PLEKHG4B: variants seen among roughly 807,000 people sequenced by gnomAD.
The protein encoded by PLEKHG4B is pleckstrin homology domain-containing family G member 4B.
Under a neutral mutation model 121.3 loss-of-function variants are expected in PLEKHG4B, and 111 were observed. The observed-to-expected ratio is 0.92, with a 90% CI of 0.78 to 1.07. The LOEUF (loss-of-function observed/expected upper bound fraction) is 1.07. Among genes scored for constraint, PLEKHG4B ranks in the 50% least tolerant of loss-of-function variants. The pLI, the probability that PLEKHG4B is intolerant of heterozygous loss-of-function variation, is 0.00. For missense variants in PLEKHG4B, 1,831 were observed against 1,757.8 expected (o/e 1.04, Z -0.74); for synonymous variants, 738 against 725.0 (o/e 1.02, Z -0.29).
chr5:106,746 A>G (rs1303352797), intron 1 of PLEKHG4B, among the ~76,000 whole-genome samples: 1 of 152,224 alleles, frequency 6.6e-6, no homozygotes, highest in Non-Finnish European at 1.5e-5. Context: ...GTGGCTGCAC[A>G]GGCAGGGACA....
At chr5:179,538 G>C (rs1351860806) in intron 18 of PLEKHG4B, 1 of 152,638 alleles carries the variant, frequency 6.6e-6, no homozygotes, top group Non-Finnish European at 1.5e-5. Flanking sequence ...TGATGCTTCT[G>C]TCCCATCCAC....
At position 103,328 on chromosome 5, in the gene PLEKHG4B, T is replaced by C. The variant is rs184411614; in HGVS notation, c.46-9923T>C. Among the ~76,000 whole-genome samples the C allele has an allele frequency of 7.9e-5, 12 of 152,246 alleles. No homozygotes were observed. The South Asian group carries it at 2.3e-3, about 29-fold the overall frequency. ...CCTGGGCTGACACAGTTTTCAGGGCTCATTTTATTTTTTCTGCTTGGATTC... is the reference window on the plus strand; with the variant it reads ...CCTGGGCTGACACAGTTTTCAGGGCCCATTTTATTTTTTCTGCTTGGATTC... On this transcript the variant is annotated intron_variant, in intron 1 of 19. Coordinates refer to ENST00000637938, the MANE Select transcript of PLEKHG4B (RefSeq NM_052909.5).
At chr5:181,887 G>T in intron 19 of PLEKHG4B, 117 bp from the exon 20 acceptor site, 1 of 1,323,308 alleles carries the variant, frequency 7.6e-7, no homozygotes, top group Non-Finnish European at 1.1e-6. Context: ...GGTTGGATGG[G>T]CATGACTGCA....
chr5:139,663 G>C lies in PLEKHG4B; in HGVS notation c.424G>C (p.Gly142Arg). 2.5e-6 allele frequency: 1 copy of C among 398,876 alleles called. No homozygotes were observed. Among genetic ancestry groups the C allele is most frequent in the East Asian group, 3.6e-5 (1 of 28,060 alleles). The allele number at this position is 398,876 out of a possible 1,614,324, so 24.7% of individuals were successfully genotyped here. A position where few individuals can be genotyped will look rare whatever the true frequency, so the allele number is the denominator to read the frequency against. Residue 142 changes from glycine (G) to arginine (R), a missense_variant, in exon 3 of 20, where the codon GGA becomes CGA. Transcript: ENST00000637938. The surrounding 1 kb of genome is among the most constrained non-coding windows in gnomAD (Gnocchi z 5.0). ...GGTCTTGAAATGCCTGTCCCGGCTG[G>C]GAAGAGGCACAGAGGAAGTCACCGT... ...RLVLKCLSRL[G>R]RGTEEVTVPE...
At chr5:123,908 T>G (rs1463243269) in intron 2 of PLEKHG4B, among the ~76,000 whole-genome samples, 1 of 152,120 alleles carries the variant, frequency 6.6e-6, no homozygotes, top group African/African-American at 2.4e-5. Context: ...GGTTTAGTTT[T>G]TTTCTTCTTT....
intron 13 of PLEKHG4B, among the ~76,000 whole-genome samples, chr5:165,092 TCA>T (rs1410927381): frequency 2.1e-5 from 2 of 96,144 alleles, no homozygotes; most frequent in African/African-American, 7.7e-5. Flanking sequence ...GGGGCGGGGC[TCA>T]CACTAATGCT....
intron 1 of PLEKHG4B, among the ~76,000 whole-genome samples, chr5:110,142 G>T (rs528026819): frequency 7.0e-6 from 1 of 142,900 alleles, no homozygotes; most frequent in Non-Finnish European, 1.5e-5. Flanking sequence ...TGCAACACAC[G>T]TGCACACATC....
At chr5:140,775 A>G in intron 3 of PLEKHG4B, 59 bp downstream of exon 3, 1 of 1,206,478 alleles carries the variant, frequency 8.3e-7, no homozygotes, top group South Asian at 1.6e-5. Context: ...CACATCCCAC[A>G]ATCTCCCCCT....
chr5:158,048 G>A (rs146023952), intron 11 of PLEKHG4B, among the ~76,000 whole-genome samples: 2 of 152,174 alleles, frequency 1.3e-5, no homozygotes, highest in Non-Finnish European at 2.9e-5. Context: ...CCCTGGGGCA[G>A]GAACAGGAAC....
At chr5:168,667 A>G (rs1035739896) in intron 13 of PLEKHG4B, among the ~76,000 whole-genome samples, 1 of 152,130 alleles carries the variant, frequency 6.6e-6, no homozygotes, top group African/African-American at 2.4e-5. Context: ...TTGGTTTCCA[A>G]AGGGATCTTT....
chr5:99,050 G>T (rs1192592748), intron 1 of PLEKHG4B, among the ~76,000 whole-genome samples: 1 of 146,102 alleles, frequency 6.8e-6, no homozygotes, highest in African/African-American at 2.5e-5. Context: ...CAGCTACTCG[G>T]GAGGCTGAGG....
rs562568398 is a variant in PLEKHG4B, at chr5:151,525, C to T, written c.1918C>T (p.Pro640Ser). ...ALSGLQNNTS[P>S]IIHSILLLVD... The stretch of plus-strand genomic sequence containing the variant: ...TTATTTATTTCAGAACAACACATCT[C>T]CTATAATTCATAGTATCTTGCTGTT... The change falls in exon 7 of 20, where the codon CCT (proline) becomes TCT (serine). Residue 640 changes from proline (P) to serine (S), a missense_variant. By Grantham distance (74) the Pro-to-Ser change is moderately conservative. Transcript: ENST00000637938. The T allele has an allele frequency of 6.4e-7, 1 of 1,567,640 alleles. No homozygotes were observed. Among genetic ancestry groups the T allele is most frequent in the South Asian group, 1.1e-5 (1 of 87,944 alleles).
chr5:163,629 C>T, intron 13 of PLEKHG4B, 81 bp downstream of exon 13: 1 of 1,189,986 alleles, frequency 8.4e-7, no homozygotes, highest in Non-Finnish European at 1.1e-6. Flanking sequence ...AGTAAACTCT[C>T]TTCTGCAAAG....
At chr5:98,027 A>T (rs562582008) in intron 1 of PLEKHG4B, among the ~76,000 whole-genome samples, 1 of 152,198 alleles carries the variant, frequency 6.6e-6, no homozygotes, top group East Asian at 1.9e-4. Flanking sequence ...AATTTTCATT[A>T]TATCTATATA....
chr5:123,085 C>T (rs1244954791), intron 2 of PLEKHG4B, among the ~76,000 whole-genome samples: 1 of 152,130 alleles, frequency 6.6e-6, no homozygotes, highest in Middle Eastern at 3.2e-3. Context: ...ACATTGCACA[C>T]AACAAATGCA....
chr5:182,866 C>T lies in PLEKHG4B; in HGVS notation c.*543C>T, dbSNP rs1278061944. On this transcript the variant is annotated 3_prime_UTR_variant, in exon 20 of 20. Transcript: ENST00000637938. ...GAAAGACTCACCAGATCAGCCCCTC[C>T]AGCACCTAGTGGGTTGCTACCCATT... is the stretch of plus-strand genomic sequence containing the variant. 6.2e-6 allele frequency: 1 copy of T among 160,156 alleles called. No homozygotes were observed. Among genetic ancestry groups the T allele is most frequent in the African/African-American group, 2.4e-5 (1 of 41,512 alleles). 9.9% of individuals were successfully genotyped at this position (160,156 alleles called of 1,614,324 possible). A position where few individuals can be genotyped will look rare whatever the true frequency, so the allele number is the denominator to read the frequency against.
At chr5:104,001 C>T (rs1386983371) in intron 1 of PLEKHG4B, among the ~76,000 whole-genome samples, 1 of 152,170 alleles carries the variant, frequency 6.6e-6, no homozygotes, top group Non-Finnish European at 1.5e-5. Flanking sequence ...AACCACAGCC[C>T]AGTCCCAGCA....
rs778013349 is a variant in PLEKHG4B, at chr5:156,933, C to T, written c.2487+22C>T. ...CCAGGTCAGAGCTGCAGGAGGAAGGCGGCCCGGTCAGCATCCCCTCCAGGC... is the reference window on the plus strand; with the variant it reads ...CCAGGTCAGAGCTGCAGGAGGAAGGTGGCCCGGTCAGCATCCCCTCCAGGC... On this transcript the variant is annotated intron_variant, in intron 11 of 19. Transcript: ENST00000637938. This position sits in a 1 kb window ranked among gnomAD's most constrained non-coding sequence, Gnocchi z 4.4. 12 of 1,609,402 alleles carry T rather than the reference C, an allele frequency of 7.5e-6. No homozygotes were observed. Among genetic ancestry groups the T allele is most frequent in the South Asian group, 3.3e-5 (3 of 89,858 alleles).
chr5:163,538 C>G lies in PLEKHG4B; in HGVS notation c.3466C>G (p.Gln1156Glu), dbSNP rs1736126503. The G allele has an allele frequency of 6.3e-7, 1 of 1,590,432 alleles. No individual in the cohort carries two copies. The highest frequency in any genetic ancestry group is 1.3e-5 in the African/African-American group (1 of 74,290). ...CCCTGCTGAGGAGGATGGGAGGCAG[C>G]AGGTGGGCAGGTGAGGTGGACGTCC... ...LHPAEEDGRQ[Q>E]VGSSRLRHIM... Residue 1156 changes from glutamine (Q) to glutamate (E), a missense_variant, in exon 13 of 20, where the codon CAG (glutamine) becomes GAG (glutamate). Physicochemically the swap from Gln to Glu is conservative, Grantham distance 29. Coordinates refer to ENST00000637938, the MANE Select transcript of PLEKHG4B (RefSeq NM_052909.5).
Sources: allele counts gnomAD v4.1 joint callset (sites outside exome capture counted in the v4.1 genomes callset), GRCh38; gene constraint gnomAD v4.1.1; non-coding constraint Gnocchi (gnomAD v3.1); transcripts MANE v1.5; gene names NCBI Gene and HGNC (gene_info 2026-07-23, HGNC 2026-07-21).